Variants in CNDP2 observed in about 807,000 individuals in gnomAD.
CNDP2 encodes the protein cytosolic non-specific dipeptidase.
A neutral mutation model predicts 55.0 loss-of-function variants in CNDP2; 38 were observed. That is an observed-to-expected ratio of 0.69 (90% CI 0.53 to 0.90). CNDP2 has a LOEUF of 0.90. Among genes scored for constraint, CNDP2 ranks in the 40% least tolerant of loss-of-function variants. CNDP2 has a pLI of 0.00. For synonymous variants in CNDP2, 241 were observed against 260.2 expected (o/e 0.93, Z 0.71); for missense variants, 607 against 621.7 (o/e 0.98, Z 0.25).
intron 7 of CNDP2, among the ~76,000 whole-genome samples, 166 bp from the exon 8 acceptor site, chr18:74,513,393 A>G (rs1412243007): frequency 6.6e-6 from 1 of 152,194 alleles, no homozygotes; most frequent in African/African-American, 2.4e-5. Flanking sequence ...TGCGAGCATC[A>G]TTCTGTGGAC....
At chr18:74,519,300 T>G (rs1294036083) in intron 11 of CNDP2, among the ~76,000 whole-genome samples, 1 of 152,196 alleles carries the variant, frequency 6.6e-6, no homozygotes, top group Non-Finnish European at 1.5e-5. Context: ...AAAACAAGGT[T>G]CATGCAGTGT....
chr18:74,518,123 T>A (rs112316318), intron 9 of CNDP2: 21 of 159,056 alleles, frequency 1.3e-4, no homozygotes, highest in African/African-American at 3.6e-4. Flanking sequence ...TAGCCGGGTG[T>A]GGTGGCGGGC....
Position 74,501,434 on chromosome 18 carries a change from G to A in CNDP2, c.166G>A (p.Gly56Arg). The change falls in exon 3 of 12, where the codon GGG (glycine) becomes AGG (arginine). Residue 56 changes from glycine to arginine, a missense_variant. Transcript: ENST00000324262. ...TGCTGCTGCAGATGTTAAGCAGTTG[G>A]GGGGCTCTGTGGAACTGGTGGATAT... ...EVAAADVKQL[G>R]GSVELVDIGK... 1 of 1,614,086 alleles carries A rather than the reference G, an allele frequency of 6.2e-7. No individual in the cohort carries two copies. The highest frequency in any genetic ancestry group is 8.5e-7 in the Non-Finnish European group (1 of 1,179,984).
chr18:74,501,606 C>A, intron 3 of CNDP2, 134 bp downstream of exon 3: 1 of 1,182,214 alleles, frequency 8.5e-7, no homozygotes, highest in Non-Finnish European at 1.2e-6. Flanking sequence ...AAGGAAGGGC[C>A]TGATTTGGAT....
chr18:74,513,457 G>A (rs551362933), intron 7 of CNDP2, 102 bp from the exon 8 acceptor site: 58 of 1,274,508 alleles, frequency 4.6e-5, no homozygotes, highest in South Asian at 3.1e-4. Context: ...GGCCTGAGCC[G>A]CATCTCTCCT....
rs776776839 is a variant in CNDP2, at chr18:74,518,549, G to A, written c.1119G>A (p.Glu373=). ...KKFAELRSPN[E]FKVYMGHGGK... is the part of the protein sequence containing the mutation. The stretch of plus-strand genomic sequence containing the variant: ...TTGCTGAACTACGCAGCCCCAATGA[G>A]TTCAAGGTGTACATGGGCCACGGTG... The change falls in exon 10 of 12, where the codon GAG becomes GAA. Residue 373 remains glutamate (E), a synonymous_variant. Coordinates refer to ENST00000324262, the MANE Select transcript of CNDP2 (RefSeq NM_018235.3). The A allele has an allele frequency of 2.5e-6, 4 of 1,614,222 alleles. No homozygotes were observed. Among genetic ancestry groups the A allele is most frequent in the Non-Finnish European group, 3.4e-6 (4 of 1,180,050 alleles).
rs759260745 is a variant in CNDP2 at position 74,516,439 on chromosome 18, C to T, written c.1068+47C>T. On this transcript the variant is annotated intron_variant, in intron 9 of 11. Transcript: ENST00000324262. ...GGTGGGGGCCAAGAGCTACTGTGTC[C>T]GGGCAGAGACTTGGGTAATATAGGC... 16 of 1,537,282 alleles carry T rather than the reference C, an allele frequency of 1.0e-5. No homozygotes were observed. In the East Asian group the frequency reaches 1.2e-4, roughly 11 times the overall value.
At chr18:74,506,176 C>G in intron 4 of CNDP2, 165 bp downstream of exon 4, 1 of 605,430 alleles carries the variant, frequency 1.7e-6, no homozygotes. Context: ...CTCTGTAGCT[C>G]AGGCTGGAGG....
In CNDP2 at chr18:74,520,703, T is replaced by C. The variant is rs1979999882; in HGVS notation, c.*635T>C. The C allele has an allele frequency of 6.5e-6, 1 of 152,768 alleles. No homozygotes were observed. The highest frequency in any genetic ancestry group is 1.5e-5 in the Non-Finnish European group (1 of 68,516). 9.5% of individuals were successfully genotyped at this position (152,768 alleles called of 1,614,324 possible). A position where few individuals can be genotyped will look rare whatever the true frequency, so the allele number is the denominator to read the frequency against. On this transcript the variant is annotated 3_prime_UTR_variant, in exon 12 of 12. Coordinates refer to ENST00000324262, the MANE Select transcript of CNDP2 (RefSeq NM_018235.3). ...AGCCAAGTGTGGTGGTGCATGCCTG[T>C]AGTTCCAGCTACTCAGGACACTGAC...
chr18:74,511,063 C>A, intron 6 of CNDP2, 50 bp downstream of exon 6: 2 of 1,515,332 alleles, frequency 1.3e-6, no homozygotes, highest in East Asian at 2.3e-5. Context: ...CTGAATCTCC[C>A]GGTTCTCCCA....
At chr18:74,497,445 G>T (rs1164644830) in intron 1 of CNDP2, 1 of 152,212 alleles carries the variant, frequency 6.6e-6, no homozygotes, top group African/African-American at 2.4e-5. Context: ...GGTTCCAGGT[G>T]CCACAGCAAT....
At position 74,505,989 on chromosome 18, in the gene CNDP2, C is replaced by G. The variant is rs1168493252; in HGVS notation, c.345C>G (p.Pro115=). Residue 115 remains proline (P), a synonymous_variant, in exon 4 of 12, where the codon CCC becomes CCG. Coordinates refer to ENST00000324262, the MANE Select transcript of CNDP2 (RefSeq NM_018235.3). ...AALEDGWDSE[P]FTLVERDGKL... is the part of the protein sequence containing the mutation. ...TGGAGGACGGCTGGGACAGCGAGCCCTTCACCCTGGTGGAGCGAGACGGTG... is the reference window on the plus strand; with the variant it reads ...TGGAGGACGGCTGGGACAGCGAGCCGTTCACCCTGGTGGAGCGAGACGGTG... The G allele has an allele frequency of 2.5e-6, 4 of 1,598,998 alleles. No homozygotes were observed. The East Asian group carries it at 9.0e-5, about 36-fold the overall frequency.
intron 4 of CNDP2, among the ~76,000 whole-genome samples, chr18:74,506,280 G>A (rs1223112801): frequency 2.0e-5 from 3 of 151,992 alleles, no homozygotes; most frequent in Non-Finnish European, 2.9e-5. Flanking sequence ...GATTACGGGC[G>A]CCCATCACCA....
At position 74,520,407 on chromosome 18, in the gene CNDP2, C is replaced by T; in HGVS notation, c.*339C>T. The T allele has an allele frequency of 3.8e-6, 1 of 261,560 alleles. No homozygotes were observed. Among genetic ancestry groups the T allele is most frequent in the Admixed American group, 5.1e-5 (1 of 19,482 alleles). 16.2% of individuals were successfully genotyped at this position (261,560 alleles called of 1,614,324 possible). A position where few individuals can be genotyped will look rare whatever the true frequency, so the allele number is the denominator to read the frequency against. The stretch of plus-strand genomic sequence containing the variant: ...ACCACGGCTCACACCTATAATCGAG[C>T]ACTTTGGGAGGCCAAGACAGGAGGA... On this transcript the variant is annotated 3_prime_UTR_variant, in exon 12 of 12. Coordinates refer to ENST00000324262, the MANE Select transcript of CNDP2 (RefSeq NM_018235.3).
rs571127587 is a variant in CNDP2 at position 74,516,402 on chromosome 18, G to A, written c.1068+10G>A. The A allele has an allele frequency of 1.4e-5, 23 of 1,601,328 alleles. 1 individual carries two copies. In the South Asian group the frequency reaches 2.5e-4, roughly 17 times the overall value. On this transcript the variant is annotated intron_variant, in intron 9 of 11. Coordinates refer to ENST00000324262, the MANE Select transcript of CNDP2 (RefSeq NM_018235.3). ...AGTCGTCGGCGAGCAGGCATGTGGG[G>A]CTGGGACACGGGGTGGGGGCCAAGA...
At chr18:74,510,774 C>CAA (rs1273020096) in intron 5 of CNDP2, 39 bp from the exon 6 acceptor site, 1 of 1,569,316 alleles carries the variant, frequency 6.4e-7, no homozygotes, top group Non-Finnish European at 8.7e-7. Context: ...GGAAGGTTCG[C>CAA]AAAGCTGAAT....
At chr18:74,509,999 G>A (rs954608141) in intron 5 of CNDP2, among the ~76,000 whole-genome samples, 2 of 152,228 alleles carry the variant, frequency 1.3e-5, no homozygotes, top group African/African-American at 4.8e-5. Flanking sequence ...TGCTGGGCGG[G>A]AACTAGGAAG....
chr18:74,516,695 C>T (rs768482470), intron 9 of CNDP2: 59 of 272,428 alleles, frequency 2.2e-4, no homozygotes, highest in Non-Finnish European at 3.2e-4. Context: ...GTCCCAGAGC[C>T]GCCCCTTACC....
chr18:74,519,719 A>G (rs1287625505), intron 11 of CNDP2, among the ~76,000 whole-genome samples: 1 of 152,184 alleles, frequency 6.6e-6, no homozygotes, highest in Non-Finnish European at 1.5e-5. Context: ...CTTCAGAAAC[A>G]AGCGGATAAT....
Sources: allele counts gnomAD v4.1 joint callset (sites outside exome capture counted in the v4.1 genomes callset), GRCh38; gene constraint gnomAD v4.1.1; transcripts MANE v1.5; gene names NCBI Gene and HGNC (gene_info 2026-07-23, HGNC 2026-07-21).